The following PHACTR4 variants were observed in gnomAD, a reference collection of about 807,000 sequenced individuals.
PHACTR4 encodes protein phosphatase 1, regulatory subunit 124.
PHACTR4 carries 51 observed loss-of-function variants against 72.7 expected under a neutral mutation model. That is an observed-to-expected ratio of 0.70 (90% CI 0.56 to 0.89). PHACTR4 has a LOEUF of 0.89. Among genes scored for constraint, PHACTR4 ranks in the 40% least tolerant of loss-of-function variants. The pLI is 0.00. For synonymous variants in PHACTR4, 255 were observed against 302.5 expected (o/e 0.84, Z 1.63); for missense variants, 731 against 861.8 (o/e 0.85, Z 1.90).
At chr1:28,388,060 G>A (rs761029058) in intron 1 of PHACTR4, among the ~76,000 whole-genome samples, 6 of 151,942 alleles carry the variant, frequency 3.9e-5, no homozygotes, top group Non-Finnish European at 7.4e-5. Flanking sequence ...GTATGGCAAC[G>A]TGGGCCTGTG....
chr1:28,370,767 T>G (rs1397061448), intron 1 of PHACTR4, among the ~76,000 whole-genome samples: 1 of 152,142 alleles, frequency 6.6e-6, no homozygotes, highest in African/African-American at 2.4e-5. Context: ...CCCAGTGGCT[T>G]CTAGAAGTCA....
chr1:28,483,376 G>T (rs954360809), intron 9 of PHACTR4, among the ~76,000 whole-genome samples: 10 of 152,076 alleles, frequency 6.6e-5, no homozygotes, highest in African/African-American at 1.9e-4. Flanking sequence ...AGGCCCAGGA[G>T]GTCAAGACTG....
intron 1 of PHACTR4, among the ~76,000 whole-genome samples, chr1:28,401,204 T>C (rs1653916832): frequency 6.6e-6 from 1 of 152,014 alleles, no homozygotes; most frequent in African/African-American, 2.4e-5. Flanking sequence ...TTTCAAAGTA[T>C]GTTTCAAGGC....
At position 28,459,081 on chromosome 1, in the gene PHACTR4, A is replaced by C; in HGVS notation, c.17-4A>C. The C allele has an allele frequency of 6.3e-7, 1 of 1,587,738 alleles. No homozygotes were observed. Among genetic ancestry groups the C allele is most frequent in the Non-Finnish European group, 8.6e-7 (1 of 1,168,172 alleles). On this transcript the variant is annotated splice_polypyrimidine_tract_variant and splice_region_variant and intron_variant, in intron 2 of 13. Transcript: ENST00000373839. The stretch of plus-strand genomic sequence containing the variant: ...TCCTTCCCTCTCTTCTTTTCATGTA[A>C]CAGAGGAAGCAGACCAGCCCACTAC...
intron 6 of PHACTR4, among the ~76,000 whole-genome samples, chr1:28,473,241 A>T (rs920853560): frequency 4.0e-5 from 6 of 148,448 alleles, no homozygotes; most frequent in African/African-American, 1.2e-4. Context: ...GCGCCACTGC[A>T]CTCCAGTCTG....
chr1:28,423,177 C>T (rs1175357384), intron 2 of PHACTR4, among the ~76,000 whole-genome samples: 2 of 152,134 alleles, frequency 1.3e-5, no homozygotes, highest in Admixed American at 6.5e-5. Flanking sequence ...CTCTGGGAGG[C>T]GGGAGGATCC....
intron 1 of PHACTR4, among the ~76,000 whole-genome samples, chr1:28,381,000 T>G (rs990945615): frequency 1.4e-5 from 2 of 138,948 alleles, no homozygotes; most frequent in African/African-American, 6.0e-5. Context: ...GCCAGCATTA[T>G]TTTTTGAATT....
intron 1 of PHACTR4, among the ~76,000 whole-genome samples, chr1:28,385,207 C>T (rs1324801395): frequency 1.3e-5 from 2 of 152,084 alleles, no homozygotes; most frequent in Admixed American, 1.3e-4. Flanking sequence ...TCATTAGTTT[C>T]AAAGAACTTC....
chr1:28,418,495 A>C (rs1007808191), intron 2 of PHACTR4, among the ~76,000 whole-genome samples: 2 of 151,266 alleles, frequency 1.3e-5, no homozygotes, highest in Non-Finnish European at 3.0e-5. Flanking sequence ...ACAAAAAACA[A>C]AACAAAACAA....
At chr1:28,425,192 A>T (rs1569906980) in intron 2 of PHACTR4, among the ~76,000 whole-genome samples, 1 of 152,182 alleles carries the variant, frequency 6.6e-6, no homozygotes, top group Non-Finnish European at 1.5e-5. Context: ...ATCTTCAGCT[A>T]ACTGCAGCCT....
At chr1:28,397,720 T>C (rs1331710593) in intron 1 of PHACTR4, among the ~76,000 whole-genome samples, 1 of 140,946 alleles carries the variant, frequency 7.1e-6, no homozygotes, top group African/African-American at 2.7e-5. Context: ...TTTTTTTTTT[T>C]GAGTCTTTCT....
intron 2 of PHACTR4, among the ~76,000 whole-genome samples, chr1:28,446,457 T>C (rs956237272): frequency 2.0e-5 from 3 of 152,104 alleles, no homozygotes; most frequent in Admixed American, 2.0e-4. Context: ...GTCCTCAAGA[T>C]AGTAAGTTCT....
At chr1:28,392,130 A>G (rs1034369552) in intron 1 of PHACTR4, among the ~76,000 whole-genome samples, 2 of 152,162 alleles carry the variant, frequency 1.3e-5, no homozygotes, top group African/African-American at 4.8e-5. Flanking sequence ...AAGAAATTCC[A>G]GCAACAAACA....
chr1:28,425,785 G>C (rs995627177), intron 2 of PHACTR4, among the ~76,000 whole-genome samples: 1 of 152,222 alleles, frequency 6.6e-6, no homozygotes, highest in Non-Finnish European at 1.5e-5. Flanking sequence ...GTGAAAGAGA[G>C]AGAAGGAAGA....
At chr1:28,478,754 C>T (rs543880309) in intron 8 of PHACTR4, among the ~76,000 whole-genome samples, 8 of 151,122 alleles carry the variant, frequency 5.3e-5, no homozygotes, top group East Asian at 2.0e-4. Context: ...GTGACTGGCC[C>T]GGTAGTTCTA....
rs1474250680 is a variant in PHACTR4, at chr1:28,473,800, G to A, written c.1070G>A (p.Arg357His). Residue 357 changes from arginine (R) to histidine (H), a missense_variant, in exon 7 of 14, where the codon CGC becomes CAC. By Grantham distance (29) the Arg-to-His change is conservative (BLOSUM62 0). Coordinates refer to ENST00000373839, the MANE Select transcript of PHACTR4 (RefSeq NM_001048183.3). Reference protein sequence around the residue: ...LPTHIPPEPPRTPPFPAKTFQ... With the variant: ...LPTHIPPEPPHTPPFPAKTFQ... ...ACTCATATACCTCCAGAGCCTCCAC[G>A]CACCCCTCCATTCCCTGCTAAGACT... is the stretch of plus-strand genomic sequence containing the variant. 10 of 1,613,568 alleles carry A rather than the reference G, an allele frequency of 6.2e-6. No individual in the cohort carries two copies. Among genetic ancestry groups the A allele is most frequent in the East Asian group, 2.2e-5 (1 of 44,862 alleles).
intron 9 of PHACTR4, among the ~76,000 whole-genome samples, chr1:28,485,316 C>T (rs1173163827): frequency 2.6e-5 from 4 of 152,156 alleles, no homozygotes; most frequent in South Asian, 2.1e-4. Flanking sequence ...AGACTGGGCG[C>T]GGTGGCTCAC....
At chr1:28,448,649 C>T (rs1657665672) in intron 2 of PHACTR4, among the ~76,000 whole-genome samples, 1 of 142,712 alleles carries the variant, frequency 7.0e-6, no homozygotes, top group African/African-American at 2.7e-5. Flanking sequence ...GTAGTCCCAG[C>T]TACTTGGGAG....
At chr1:28,495,742 CAG>C (rs1661308702) in intron 13 of PHACTR4, among the ~76,000 whole-genome samples, 1 of 151,622 alleles carries the variant, frequency 6.6e-6, no homozygotes, top group South Asian at 2.1e-4. Context: ...TCAGCCTCCT[CAG>C]TAGCTGTGAC....
Sources: gnomAD v4.1 joint callset for allele counts (sites outside exome capture counted in the v4.1 genomes callset) on GRCh38, gnomAD v4.1.1 for gene constraint, MANE v1.5 for transcripts, NCBI Gene and HGNC (gene_info 2026-07-23, HGNC 2026-07-21) for gene names.